Variants in THOC2 observed in about 807,000 individuals in gnomAD.
THOC2 encodes THO complex 2.
A neutral mutation model predicts 128.4 loss-of-function variants in THOC2; 10 were observed. The observed-to-expected ratio is 0.08, with a 90% CI of 0.05 to 0.13. The LOEUF is 0.13. THOC2 is among the 10% of genes least tolerant of loss of function. THOC2 has a pLI of 1.00. For missense variants in THOC2, 535 were observed against 1,155.7 expected (o/e 0.46, Z 7.79); for synonymous variants, 393 against 396.9 (o/e 0.99, Z 0.12).
At position 123,724,295 on chromosome X, in the gene THOC2, G is replaced by A. The variant is rs148164287; in HGVS notation, c.71+8657C>T. 2.3e-3 allele frequency among the ~76,000 whole-genome samples: 262 copies of A among 111,893 alleles called. 1 individual carries two copies. The highest frequency in any genetic ancestry group is 8.2e-3 in the African/African-American group (253 of 30,868). On this transcript the variant is annotated intron_variant, in intron 1 of 38. Coordinates refer to ENST00000245838, the MANE Select transcript of THOC2 (RefSeq NM_001081550.2). ...TATGTCAATACCCTATCATCAGGAT[G>A]AGCAGGGTAAGGTTATTAAAAGTCA... is the stretch of plus-strand genomic sequence containing the variant.
At chrX:123,690,836 T>C (rs1488744872) in intron 7 of THOC2, among the ~76,000 whole-genome samples, 1 of 112,106 alleles carries the variant, frequency 8.9e-6, no homozygotes, top group Non-Finnish European at 1.9e-5. Context: ...TGCTAGACTA[T>C]TTCTAAGAAA....
At chrX:123,700,056 C>A (rs1357038631) in intron 4 of THOC2, among the ~76,000 whole-genome samples, 1 of 111,011 alleles carries the variant, frequency 9.0e-6, no homozygotes, top group Non-Finnish European at 1.9e-5. Context: ...CCTATGATTT[C>A]AATAAAAAGC....
At chrX:123,716,492 G>A (rs1033914233) in intron 1 of THOC2, among the ~76,000 whole-genome samples, 1 of 111,113 alleles carries the variant, frequency 9.0e-6, no homozygotes, top group Non-Finnish European at 1.9e-5. Context: ...TTGGGAGGCC[G>A]AGGCGGGTGA....
At chrX:123,680,683 T>C (rs2049735566) in intron 8 of THOC2, among the ~76,000 whole-genome samples, 2 of 111,003 alleles carry the variant, frequency 1.8e-5, no homozygotes, top group Non-Finnish European at 3.8e-5. Context: ...CATCTCAAAC[T>C]TAACATGCGC....
intron 1 of THOC2, among the ~76,000 whole-genome samples, chrX:123,719,879 T>C (rs1569451659): frequency 9.3e-6 from 1 of 107,756 alleles, no homozygotes; most frequent in Non-Finnish European, 1.9e-5. Flanking sequence ...TGATGAGCTA[T>C]GATTTCACTA....
chrX:123,705,210 T>G, intron 3 of THOC2, among the ~76,000 whole-genome samples: 1 of 111,837 alleles, frequency 8.9e-6, no homozygotes, highest in Middle Eastern at 4.6e-3. Context: ...AAGACATCAT[T>G]AAGTATTCAA....
chrX:123,727,953 A>T (rs1230584046), intron 1 of THOC2, among the ~76,000 whole-genome samples: 1 of 112,542 alleles, frequency 8.9e-6, no homozygotes, highest in African/African-American at 3.2e-5. Context: ...ACGGCTTTTC[A>T]TCTTACTTGT....
At chrX:123,614,896 C>T (rs1175663020) in intron 33 of THOC2, among the ~76,000 whole-genome samples, 2 of 111,110 alleles carry the variant, frequency 1.8e-5, no homozygotes, top group African/African-American at 3.3e-5. Flanking sequence ...AATAATGAAC[C>T]AATATTCTCC....
At chrX:123,667,368 C>A (rs2049088547) in intron 10 of THOC2, 90 bp from the exon 11 acceptor site, 3 of 599,191 alleles carry the variant, frequency 5.0e-6, no homozygotes, top group East Asian at 6.9e-5. Context: ...ACCTAAGCAA[C>A]ACATCAAAAA....
intron 15 of THOC2, among the ~76,000 whole-genome samples, chrX:123,642,791 A>G (rs912972942): frequency 9.0e-6 from 1 of 110,553 alleles, no homozygotes; most frequent in African/African-American, 3.3e-5. Flanking sequence ...TTGCATATAC[A>G]TAAGAATATA....
intron 19 of THOC2, among the ~76,000 whole-genome samples, chrX:123,635,780 A>G (rs1218424851): frequency 2.7e-5 from 3 of 112,107 alleles, no homozygotes; most frequent in Non-Finnish European, 5.6e-5. Context: ...ACGAAGATAT[A>G]CAATGTATCA....
At chrX:123,630,612 CAAAAAAAAAAAAAA>C (rs57639724) in intron 22 of THOC2, among the ~76,000 whole-genome samples, 1 of 16,074 alleles carries the variant, frequency 6.2e-5, no homozygotes, top group Non-Finnish European at 1.4e-4. Flanking sequence ...GACTCCATCT[CAAAAAAAAAAAAAA>C]AAAAAAAAAA....
chrX:123,654,008 A>G (rs1325871397), intron 12 of THOC2, among the ~76,000 whole-genome samples: 1 of 111,605 alleles, frequency 9.0e-6, no homozygotes, highest in Non-Finnish European at 1.9e-5. Context: ...ACCCACCCAA[A>G]TGCCCATAAA....
At chrX:123,614,941 G>A (rs1042732791) in intron 33 of THOC2, among the ~76,000 whole-genome samples, 1 of 111,313 alleles carries the variant, frequency 9.0e-6, no homozygotes, top group African/African-American at 3.2e-5. Context: ...AGGGCTATAC[G>A]CAATAAAACA....
At chrX:123,684,162 T>C (rs1284637408) in intron 8 of THOC2, among the ~76,000 whole-genome samples, 1 of 111,939 alleles carries the variant, frequency 8.9e-6, no homozygotes, top group Admixed American at 9.5e-5. Flanking sequence ...ATTCTAAAAC[T>C]CACATTCAAC....
At chrX:123,704,212 A>G (rs2050832668) in intron 3 of THOC2, among the ~76,000 whole-genome samples, 1 of 112,078 alleles carries the variant, frequency 8.9e-6, no homozygotes, top group South Asian at 3.7e-4. Context: ...TAAAAACTGT[A>G]CATTTTTCAT....
Position 123,667,144 on chromosome X carries a change from G to T in THOC2, c.1152C>A (p.Cys384Ter), listed in dbSNP as rs1169061580. The T allele has an allele frequency of 8.3e-7, 1 of 1,199,560 alleles. No individual in the cohort carries two copies. Among genetic ancestry groups the T allele is most frequent in the Admixed American group, 2.3e-5 (1 of 44,030 alleles). ...ASHKLIALAI[C>*]KLIHITIEPL... ...GCTCAATAGTTATATGAATGAGCTT[G>T]CAAATAGCAAGGGCTATTAGCTTGT... Residue 384 changes from cysteine to a stop codon, truncating the protein, a stop_gained, in exon 11 of 39, where the codon TGC becomes TGA. Coordinates refer to ENST00000245838, the MANE Select transcript of THOC2 (RefSeq NM_001081550.2). LOFTEE classifies it high-confidence loss of function.
intron 29 of THOC2, 114 bp downstream of exon 29, chrX:123,622,991 A>C: frequency 1.2e-6 from 1 of 868,005 alleles, no homozygotes. Context: ...ATATACTCCT[A>C]TCTAGGGAAT....
At position 123,711,958 on chromosome X, in the gene THOC2, TA is replaced by T. The variant is rs55916247; in HGVS notation, c.130+891del. On this transcript the variant is annotated intron_variant, in intron 2 of 38. Coordinates refer to ENST00000245838, the MANE Select transcript of THOC2 (RefSeq NM_001081550.2). ...CAATGGAAAGAGACCCTGTCTACTT[TA>T]AAAAAAAAAAAAAAAAAAAAAAAGT... 8.4e-3 allele frequency among the ~76,000 whole-genome samples: 393 copies of T among 46,825 alleles called. 2 individuals carry two copies. The highest frequency in any genetic ancestry group is 0.068 in the Middle Eastern group (3 of 44). The allele number at this position is 46,825 out of a possible 115,157, so 40.7% of individuals were successfully genotyped here. A position where few individuals can be genotyped will look rare whatever the true frequency, so the allele number is the denominator to read the frequency against.
Sources: allele counts gnomAD v4.1 joint callset (sites outside exome capture counted in the v4.1 genomes callset), GRCh38; gene constraint gnomAD v4.1.1; transcripts MANE v1.5; gene names NCBI Gene and HGNC (gene_info 2026-07-23, HGNC 2026-07-21).